The following ASAP1 variants were observed in gnomAD, a reference collection of about 807,000 sequenced individuals.
ASAP1 encodes arf-GAP with SH3 domain, ANK repeat and PH domain-containing protein 1.
In ASAP1, 43 loss-of-function variants were observed where a neutral mutation model predicts 145.2. The observed-to-expected ratio is 0.30, with a 90% confidence interval of 0.23 to 0.38. ASAP1 has a LOEUF of 0.38. Among genes scored for constraint, ASAP1 ranks in the 10% least tolerant of loss-of-function variants. ASAP1 has a pLI of 1.00. For missense variants in ASAP1, 1,018 were observed against 1,355.3 expected, an observed-to-expected ratio of 0.75 and a Z score of 3.91; for synonymous variants, 546 against 515.5, an observed-to-expected ratio of 1.06 and a Z score of -0.80.
chr8:130,345,755 T>C (rs1431326678), intron 3 of ASAP1, among the ~76,000 whole-genome samples: 1 of 152,208 alleles, frequency 6.6e-6, no homozygotes, highest in African/African-American at 2.4e-5. Flanking sequence ...GCCAATCACT[T>C]AAGCTCAGGA....
chr8:130,251,662 A>C (rs1442638297), intron 3 of ASAP1, among the ~76,000 whole-genome samples: 1 of 152,190 alleles, frequency 6.6e-6, no homozygotes, highest in African/African-American at 2.4e-5. Context: ...ATCGAAGTTG[A>C]CATCTCTAAT....
chr8:130,112,426 G>T, intron 23 of ASAP1, 104 bp from the exon 24 acceptor site: 1 of 886,702 alleles, frequency 1.1e-6, no homozygotes, highest in Non-Finnish European at 1.7e-6. Flanking sequence ...GGTTCCTGTG[G>T]CTCTCTGAGC....
chr8:130,354,727 C>T (rs1157100732), intron 3 of ASAP1, among the ~76,000 whole-genome samples: 1 of 152,200 alleles, frequency 6.6e-6, no homozygotes, highest in East Asian at 1.9e-4. Context: ...CACTCACACG[C>T]CAGGATGAAA....
At chr8:130,227,447 G>A (rs1817650489) in intron 4 of ASAP1, among the ~76,000 whole-genome samples, 2 of 151,858 alleles carry the variant, frequency 1.3e-5, no homozygotes, top group South Asian at 4.2e-4. Context: ...TTGCAGAGAT[G>A]GGGTTTTGCC....
chr8:130,302,872 GTTC>G (rs1218560476), intron 3 of ASAP1, among the ~76,000 whole-genome samples: 6 of 152,176 alleles, frequency 3.9e-5, no homozygotes, highest in East Asian at 1.9e-4. Flanking sequence ...CAGATGGAAA[GTTC>G]TTCTTCCTGT....
chr8:130,441,434 A>C (rs891318551), intron 1 of ASAP1, among the ~76,000 whole-genome samples: 1 of 152,236 alleles, frequency 6.6e-6, no homozygotes, highest in Non-Finnish European at 1.5e-5. Context: ...TCCGGAGCCC[A>C]TGCCAGATAC....
intron 9 of ASAP1, among the ~76,000 whole-genome samples, chr8:130,176,629 C>T (rs776777926): frequency 4.5e-4 from 68 of 152,048 alleles, no homozygotes; most frequent in Non-Finnish European, 8.4e-4. Context: ...AGTCCCACCA[C>T]CTCCTTCAAG....
intron 13 of ASAP1, among the ~76,000 whole-genome samples, chr8:130,140,135 C>T (rs185458738): frequency 8.6e-5 from 13 of 151,138 alleles, no homozygotes; most frequent in African/African-American, 2.4e-4. Context: ...TAGGCTCAAG[C>T]GATCCTCCCA....
At chr8:130,416,949 A>G (rs752523433) in intron 1 of ASAP1, among the ~76,000 whole-genome samples, 45 of 152,258 alleles carry the variant, frequency 3.0e-4, no homozygotes, top group Non-Finnish European at 2.1e-4. Context: ...GGGATAATAC[A>G]TAGCCAAATG....
chr8:130,308,650 A>C (rs1263236130), intron 3 of ASAP1, among the ~76,000 whole-genome samples: 1 of 152,240 alleles, frequency 6.6e-6, no homozygotes, highest in African/African-American at 2.4e-5. Context: ...TTTTTCAACA[A>C]TAGATTTAAT....
chr8:130,153,216 C>T (rs2097650349), intron 12 of ASAP1, among the ~76,000 whole-genome samples: 1 of 150,920 alleles, frequency 6.6e-6, no homozygotes, highest in Non-Finnish European at 1.5e-5. Flanking sequence ...AATGGGGCTT[C>T]ACCATCTTGG....
chr8:130,070,900 GGAGGGA>G (rs1332212512), intron 27 of ASAP1, among the ~76,000 whole-genome samples: 5 of 11,262 alleles, frequency 4.4e-4, no homozygotes, highest in African/African-American at 1.9e-3. Flanking sequence ...AGGGAGAGAG[GGAGGGA>G]GAGAGAGGGG....
intron 14 of ASAP1, among the ~76,000 whole-genome samples, chr8:130,135,241 A>C (rs989557496): frequency 6.6e-6 from 1 of 152,200 alleles, no homozygotes; most frequent in Non-Finnish European, 1.5e-5. Flanking sequence ...CTATAATCCT[A>C]ACACTTTGGG....
intron 1 of ASAP1, among the ~76,000 whole-genome samples, chr8:130,419,043 C>T (rs1009407572): frequency 6.6e-6 from 1 of 152,200 alleles, no homozygotes; most frequent in Non-Finnish European, 1.5e-5. Context: ...GAACATGGCA[C>T]ATCAGGCCCT....
At position 130,134,344 on chromosome 8, in the gene ASAP1, T is replaced by C. The variant is rs1166615043; in HGVS notation, c.1169A>G (p.His390Arg). ...TGCCTGAAAGTGATATGTTCTATTATCTAAAATAAAAAAAAAGAAAAATAA... is the reference window on the plus strand; with the variant it reads ...TGCCTGAAAGTGATATGTTCTATTACCTAAAATAAAAAAAAAGAAAAATAA... ...EDKKSFDLIS[H>R]NRTYHFQAED... The change falls in exon 15 of 30, where the codon CAT becomes CGT. Residue 390 changes from histidine (H) to arginine (R), a missense_variant and splice_region_variant. Coordinates refer to ENST00000518721, the MANE Select transcript of ASAP1 (RefSeq NM_018482.4). 3.9e-6 allele frequency: 6 copies of C among 1,555,786 alleles called. No homozygotes were observed. The highest frequency in any genetic ancestry group is 1.4e-5 in the African/African-American group (1 of 72,100).
chr8:130,100,965 G>A (rs930920240), intron 24 of ASAP1, among the ~76,000 whole-genome samples: 2 of 152,034 alleles, frequency 1.3e-5, no homozygotes, highest in South Asian at 2.1e-4. Flanking sequence ...TTATAGTTTC[G>A]GGTATTATGT....
At chr8:130,395,040 A>T (rs1310933029) in intron 2 of ASAP1, among the ~76,000 whole-genome samples, 1 of 152,174 alleles carries the variant, frequency 6.6e-6, no homozygotes, top group African/African-American at 2.4e-5. Context: ...AAAACTAAGG[A>T]CAGTAGCAAG....
intron 13 of ASAP1, among the ~76,000 whole-genome samples, 183 bp from the exon 14 acceptor site, chr8:130,137,221 T>A (rs889043270): frequency 3.9e-5 from 6 of 152,210 alleles, no homozygotes; most frequent in Non-Finnish European, 5.9e-5. Flanking sequence ...AGACAACAGA[T>A]CTGTAGGTTT....
At chr8:130,256,976 G>C (rs372847158) in intron 3 of ASAP1, among the ~76,000 whole-genome samples, 1 of 151,372 alleles carries the variant, frequency 6.6e-6, no homozygotes, top group African/African-American at 2.4e-5. Flanking sequence ...GAGTGCTAAA[G>C]GTGGTAAAGA....
Sources: allele counts gnomAD v4.1 joint callset (sites outside exome capture counted in the v4.1 genomes callset), GRCh38; gene constraint gnomAD v4.1.1; transcripts MANE v1.5; gene names NCBI Gene and HGNC (gene_info 2026-07-23, HGNC 2026-07-21).